Variants in DPH6 observed in about 807,000 individuals in gnomAD.
DPH6 encodes diphthamine biosynthesis 6, also known as diphthine--ammonia ligase.
A neutral mutation model predicts 38.2 loss-of-function variants in DPH6; 33 were observed. The ratio of observed to expected loss-of-function variants is 0.86; its 90% CI spans 0.65 to 1.15. DPH6 has a LOEUF of 1.15. Among genes scored for constraint, DPH6 ranks in the 50% most tolerant of loss-of-function variants. DPH6 has a pLI of 0.00. For synonymous variants in DPH6, 108 were observed against 103.0 expected (o/e 1.05, Z -0.30); for missense variants, 325 against 320.0 (o/e 1.02, Z -0.12).
At chr15:35,256,522 T>C (rs1044252742) in intron 3 of DPH6, among the ~76,000 whole-genome samples, 8 of 152,222 alleles carry the variant, frequency 5.3e-5, no homozygotes, top group Non-Finnish European at 7.3e-5. Flanking sequence ...TGTACTAAAA[T>C]ATAATTTTTT....
chr15:35,183,572 T>G, the DPH6 span, among the ~76,000 whole-genome samples: 1 of 152,332 alleles, frequency 6.6e-6, no homozygotes, highest in Non-Finnish European at 1.5e-5. Flanking sequence ...TTAAAAATAT[T>G]AACTTCTTGA....
At chr15:35,249,642 C>G (rs10162934) in intron 3 of DPH6, among the ~76,000 whole-genome samples, 12,358 of 152,034 alleles carry the variant, frequency 0.081, 888 homozygotes, top group East Asian at 0.39. Flanking sequence ...ATTGCTTAAA[C>G]AGAGTAGATA....
chr15:35,539,300 T>C (rs944214274), intron 2 of DPH6, among the ~76,000 whole-genome samples: 1 of 152,118 alleles, frequency 6.6e-6, no homozygotes, highest in Non-Finnish European at 1.5e-5. Flanking sequence ...AATTATAGTA[T>C]ATTCATATAA....
chr15:35,237,206 G>A (rs546037202), intron 3 of DPH6: 26 of 800,638 alleles, frequency 3.2e-5, no homozygotes, highest in African/African-American at 2.4e-4. Flanking sequence ...AGCGTGTGCC[G>A]GGGGTGCTGG....
intron 3 of DPH6, among the ~76,000 whole-genome samples, chr15:35,504,635 G>C (rs1397673236): frequency 1.3e-5 from 2 of 152,040 alleles, no homozygotes; most frequent in Non-Finnish European, 2.9e-5. Flanking sequence ...GAACACATTT[G>C]ATGAATGAAT....
chr15:35,494,901 C>T (rs1441485147), intron 3 of DPH6, among the ~76,000 whole-genome samples: 2 of 151,990 alleles, frequency 1.3e-5, no homozygotes, highest in East Asian at 3.8e-4. Flanking sequence ...TAAAATATTA[C>T]AGGCTTTCAC....
chr15:35,511,711 A>T (rs1240282965), intron 3 of DPH6, among the ~76,000 whole-genome samples: 1 of 152,168 alleles, frequency 6.6e-6, no homozygotes, highest in East Asian at 1.9e-4. Flanking sequence ...CATTTAAAAA[A>T]AAAAGTGTCA....
downstream of DPH6, among the ~76,000 whole-genome samples, chr15:35,368,332 T>C (rs916147075): frequency 6.6e-6 from 1 of 151,788 alleles, no homozygotes. Context: ...TAGAGCAAAG[T>C]GGACAGGCAG....
At chr15:35,522,158 GA>G (rs1566939332) in intron 3 of DPH6, 2 of 1,613,340 alleles carry the variant, frequency 1.2e-6, no homozygotes, top group African/African-American at 2.7e-5. Flanking sequence ...AACTTGCTGT[GA>G]GTGCACAGTT....
At chr15:35,419,766 T>G (rs188439647) in intron 5 of DPH6, among the ~76,000 whole-genome samples, 1 of 152,262 alleles carries the variant, frequency 6.6e-6, no homozygotes, top group Admixed American at 6.5e-5. Context: ...TAAATATATA[T>G]GCACCCAACA....
At chr15:35,494,131 T>G (rs192800109) in intron 3 of DPH6, among the ~76,000 whole-genome samples, 1 of 152,276 alleles carries the variant, frequency 6.6e-6, no homozygotes, top group African/African-American at 2.4e-5. Context: ...TTAAGGGCTG[T>G]GTTAACACAT....
intron 3 of DPH6, among the ~76,000 whole-genome samples, chr15:35,263,306 T>C (rs1267555840): frequency 6.6e-6 from 1 of 152,048 alleles, no homozygotes; most frequent in Non-Finnish European, 1.5e-5. Context: ...CTCTAGAAGA[T>C]TCTTCCATAG....
At chr15:35,199,043 C>T in the DPH6 span, among the ~76,000 whole-genome samples, 1 of 151,974 alleles carries the variant, frequency 6.6e-6, no homozygotes, top group African/African-American at 2.4e-5. Flanking sequence ...CCTTAGCCTC[C>T]CGAGTAGCTG....
At chr15:35,477,107 ATTATT>A (rs2054272726) in intron 3 of DPH6, among the ~76,000 whole-genome samples, 1 of 152,010 alleles carries the variant, frequency 6.6e-6, no homozygotes, top group Non-Finnish European at 1.5e-5. Flanking sequence ...AACTGAAATG[ATTATT>A]TTAGTTTTTA....
At chr15:35,341,726 C>G (rs180975834) in intron 3 of DPH6, among the ~76,000 whole-genome samples, 5 of 152,316 alleles carry the variant, frequency 3.3e-5, no homozygotes, top group Admixed American at 3.3e-4. Flanking sequence ...AAGCTGTCAG[C>G]CTGCTCCTTC....
intron 3 of DPH6, among the ~76,000 whole-genome samples, chr15:35,464,001 A>T (rs2054096509): frequency 6.6e-6 from 1 of 152,188 alleles, no homozygotes; most frequent in South Asian, 2.1e-4. Context: ...ACACATAAAG[A>T]AATAAGTCAA....
chr15:35,165,478 T>C, the DPH6 span, among the ~76,000 whole-genome samples: 26 of 151,994 alleles, frequency 1.7e-4, no homozygotes, highest in African/African-American at 5.8e-4. Flanking sequence ...AAGCTCTCTG[T>C]TTTTTACATT....
intron 3 of DPH6, 183 bp downstream of exon 3, chr15:35,538,091 T>C (rs139340943): frequency 9.7e-5 from 39 of 403,354 alleles, no homozygotes; most frequent in African/African-American, 7.6e-4. Context: ...TTTTTAAATA[T>C]CATTTAATAT....
chr15:35,194,384 A>AGG, the DPH6 span, among the ~76,000 whole-genome samples: 1 of 151,894 alleles, frequency 6.6e-6, no homozygotes, highest in African/African-American at 2.4e-5. Flanking sequence ...AGAGAGAGAG[A>AGG]GAGAGAGAGA....
Sources: allele counts gnomAD v4.1 joint callset (sites outside exome capture counted in the v4.1 genomes callset), GRCh38; gene constraint gnomAD v4.1.1; transcripts MANE v1.5; gene names NCBI Gene and HGNC (gene_info 2026-07-23, HGNC 2026-07-21).